ME1: variants seen among roughly 807,000 people sequenced by gnomAD.
ME1 encodes the protein NADP-dependent malic enzyme.
A neutral mutation model predicts 66.4 loss-of-function variants in ME1; 74 were observed. The observed-to-expected ratio is 1.11, with a 90% CI of 0.92 to 1.35. The LOEUF is 1.35. ME1 is among the 40% of genes most tolerant of loss of function. The probability of loss-of-function intolerance (pLI) is 0.00; values close to 1 mark genes in which losing one functional copy is unlikely to be tolerated. For synonymous variants in ME1, 251 were observed against 235.6 expected, an observed-to-expected ratio of 1.07 and a Z score of -0.60; for missense variants, 750 against 694.1, an observed-to-expected ratio of 1.08 and a Z score of -0.90.
chr6:83,264,893 C>T (rs1766960910), intron 6 of ME1, among the ~76,000 whole-genome samples: 1 of 152,162 alleles, frequency 6.6e-6, no homozygotes, highest in South Asian at 2.1e-4. Context: ...ATCACATAAA[C>T]TCAGTTGATA....
intron 6 of ME1, among the ~76,000 whole-genome samples, chr6:83,293,489 A>G (rs773258329): frequency 4.6e-5 from 7 of 152,192 alleles, no homozygotes; most frequent in Non-Finnish European, 1.0e-4. Flanking sequence ...CCTACTTTAG[A>G]TATTGCATAT....
intron 7 of ME1, among the ~76,000 whole-genome samples, chr6:83,246,498 C>CA (rs539415819): frequency 8.5e-5 from 13 of 152,050 alleles, no homozygotes; most frequent in Admixed American, 5.2e-4. Context: ...ACTATTTTAA[C>CA]ATGCTTTTTA....
chr6:83,224,197 A>G (rs992069377), intron 11 of ME1, among the ~76,000 whole-genome samples: 6 of 152,162 alleles, frequency 3.9e-5, no homozygotes, highest in Non-Finnish European at 7.4e-5. Context: ...CCATCACTCT[A>G]TTCTCTGCAG....
chr6:83,340,793 A>G (rs184059655), intron 5 of ME1, among the ~76,000 whole-genome samples: 4 of 152,248 alleles, frequency 2.6e-5, no homozygotes, highest in African/African-American at 7.2e-5. Flanking sequence ...CATAGGAACT[A>G]TATTTCCTTA....
intron 8 of ME1, 115 bp downstream of exon 8, chr6:83,239,424 T>G (rs988539521): frequency 4.7e-6 from 3 of 638,252 alleles, no homozygotes; most frequent in Non-Finnish European, 8.2e-6. Flanking sequence ...CCATAAAGCC[T>G]ACAGTCATAA....
intron 1 of ME1, among the ~76,000 whole-genome samples, chr6:83,425,138 AC>A (rs1371274560): frequency 6.6e-6 from 1 of 151,900 alleles, no homozygotes; most frequent in Non-Finnish European, 1.5e-5. Flanking sequence ...ACAGGTGCAC[AC>A]CACCATGCCC....
chr6:83,279,560 A>G (rs1767251889), intron 6 of ME1, among the ~76,000 whole-genome samples: 1 of 152,182 alleles, frequency 6.6e-6, no homozygotes, highest in Non-Finnish European at 1.5e-5. Context: ...TGTGTGCTCA[A>G]AGAAACGTCA....
chr6:83,314,490 T>C lies in ME1; in HGVS notation c.704+820A>G, dbSNP rs77124717. On this transcript the variant is annotated intron_variant, in intron 6 of 13. Transcript: ENST00000369705. ...AATGGTGATGCCAAACAACCATACA[T>C]TGTCCACATGGGTAGCTGAGACAGT... Among the ~76,000 whole-genome samples, 883 of 152,324 alleles carry C rather than the reference T, an allele frequency of 5.8e-3. 8 individuals are homozygous for C. The highest frequency in any genetic ancestry group is 0.02 in the African/African-American group (843 of 41,566).
chr6:83,427,347 C>T lies in ME1; in HGVS notation c.78+3530G>A, dbSNP rs543420191. On this transcript the variant is annotated intron_variant, in intron 1 of 13. Transcript: ENST00000369705. The stretch of plus-strand genomic sequence containing the variant: ...TTTTTTGAAAATTTTTGAATTCATA[C>T]CATATCTACTGTTAACTTTGATTTT... Among the ~76,000 whole-genome samples, 37 of 152,186 alleles carry T rather than the reference C, an allele frequency of 2.4e-4. 1 individual carries two copies. The South Asian group carries it at 7.7e-3, about 32-fold the overall frequency.
At chr6:83,383,955 G>A (rs1769455152) in intron 3 of ME1, among the ~76,000 whole-genome samples, 2 of 151,926 alleles carry the variant, frequency 1.3e-5, no homozygotes, top group South Asian at 4.1e-4. Flanking sequence ...ATAGTATTGA[G>A]TTAAAATTGA....
At chr6:83,235,300 G>T (rs1472811147) in intron 9 of ME1, among the ~76,000 whole-genome samples, 1 of 151,850 alleles carries the variant, frequency 6.6e-6, no homozygotes, top group Non-Finnish European at 1.5e-5. Context: ...TTCTCACTAG[G>T]CTATCAGCTT....
intron 3 of ME1, among the ~76,000 whole-genome samples, chr6:83,381,015 A>G (rs1769384677): frequency 6.6e-6 from 1 of 152,098 alleles, no homozygotes; most frequent in African/African-American, 2.4e-5. Flanking sequence ...TTCATGGGGA[A>G]CATGGAGAGA....
At chr6:83,410,122 C>T (rs1173985209) in intron 1 of ME1, among the ~76,000 whole-genome samples, 2 of 152,104 alleles carry the variant, frequency 1.3e-5, no homozygotes, top group South Asian at 4.1e-4. Context: ...GAAAACTCCA[C>T]GGGGCCACAG....
intron 7 of ME1, among the ~76,000 whole-genome samples, chr6:83,244,578 G>A (rs969473156): frequency 1.1e-4 from 16 of 152,088 alleles, no homozygotes; most frequent in African/African-American, 3.9e-4. Flanking sequence ...TTTGAGGCTG[G>A]GGGTATGCAA....
chr6:83,387,728 TG>T (rs1769537553), intron 3 of ME1, among the ~76,000 whole-genome samples: 1 of 152,214 alleles, frequency 6.6e-6, no homozygotes, highest in African/African-American at 2.4e-5. Flanking sequence ...TTTAATATTT[TG>T]TTTTGGCTGA....
intron 3 of ME1, among the ~76,000 whole-genome samples, chr6:83,368,888 C>T (rs534523147): frequency 6.6e-6 from 1 of 152,188 alleles, no homozygotes; most frequent in East Asian, 1.9e-4. Context: ...TATTGTCTTT[C>T]CCAATCCTGA....
At chr6:83,239,851 T>A (rs1790479046) in intron 7 of ME1, among the ~76,000 whole-genome samples, 1 of 152,032 alleles carries the variant, frequency 6.6e-6, no homozygotes, top group Non-Finnish European at 1.5e-5. Context: ...CTTGAAAACT[T>A]CCCTAAAAGA....
chr6:83,415,343 TCTC>T (rs1188952570), intron 1 of ME1, among the ~76,000 whole-genome samples: 1 of 152,142 alleles, frequency 6.6e-6, no homozygotes, highest in African/African-American at 2.4e-5. Flanking sequence ...TGAATAATGA[TCTC>T]CTTCAAGGGA....
At chr6:83,377,387 C>A (rs1308189476) in intron 3 of ME1, among the ~76,000 whole-genome samples, 2 of 152,176 alleles carry the variant, frequency 1.3e-5, no homozygotes, top group East Asian at 3.9e-4. Flanking sequence ...TTAAGTGACA[C>A]TGCTAAACAA....
Sources: allele counts gnomAD v4.1 joint callset (sites outside exome capture counted in the v4.1 genomes callset), GRCh38; gene constraint gnomAD v4.1.1; transcripts MANE v1.5; gene names NCBI Gene and HGNC (gene_info 2026-07-23, HGNC 2026-07-21).